KHDRBS2: variants seen among roughly 807,000 people sequenced by gnomAD.
KHDRBS2 encodes KH RNA binding domain containing, signal transduction associated 2.
In KHDRBS2, 26 loss-of-function variants were observed where a neutral mutation model predicts 44.3. That is an observed-to-expected ratio of 0.59 (90% CI 0.43 to 0.81). The LOEUF (loss-of-function observed/expected upper bound fraction) is 0.81. Among genes scored for constraint, KHDRBS2 ranks in the 40% least tolerant of loss-of-function variants. The probability of loss-of-function intolerance (pLI) is 0.00; values close to 1 mark genes in which losing one functional copy is unlikely to be tolerated. For synonymous variants in KHDRBS2, 194 were observed against 151.1 expected (o/e 1.28, Z -2.08); for missense variants, 476 against 433.1 (o/e 1.10, Z -0.88).
At chr6:61,659,242 T>C in the KHDRBS2 span, 5 of 151,870 alleles carry the variant, frequency 3.3e-5, no homozygotes, top group Non-Finnish European at 5.9e-5. Context: ...ATAGTTAATA[T>C]AAACATGAGG....
chr6:61,766,271 C>T (rs1428941347), intron 6 of KHDRBS2, among the ~76,000 whole-genome samples: 1 of 151,860 alleles, frequency 6.6e-6, no homozygotes, highest in Non-Finnish European at 1.5e-5. Flanking sequence ...CATATAGTTG[C>T]TCATAGTAGT....
At chr6:62,112,193 A>G (rs1380438374) in intron 2 of KHDRBS2, among the ~76,000 whole-genome samples, 1 of 152,144 alleles carries the variant, frequency 6.6e-6, no homozygotes, top group African/African-American at 2.4e-5. Context: ...TCTAAATCAC[A>G]AATGTGAAAC....
At chr6:61,987,417 AC>A (rs1372693735) in intron 3 of KHDRBS2, among the ~76,000 whole-genome samples, 2 of 152,186 alleles carry the variant, frequency 1.3e-5, no homozygotes, top group Non-Finnish European at 2.9e-5. Flanking sequence ...CAAGTTTTGT[AC>A]TTTTATTTTT....
intron 3 of KHDRBS2, among the ~76,000 whole-genome samples, chr6:62,016,253 CA>C (rs1299796506): frequency 3.9e-5 from 6 of 151,972 alleles, no homozygotes; most frequent in Admixed American, 6.6e-5. Flanking sequence ...TCAAAAGTTT[CA>C]TCACATGTAA....
chr6:62,180,274 G>A (rs1441765115), intron 1 of KHDRBS2, among the ~76,000 whole-genome samples: 1 of 151,818 alleles, frequency 6.6e-6, no homozygotes, highest in African/African-American at 2.4e-5. Context: ...CAGTTGACAT[G>A]ATCTGATATG....
intron 7 of KHDRBS2, among the ~76,000 whole-genome samples, chr6:61,709,912 C>G (rs1315042933): frequency 2.0e-5 from 3 of 151,578 alleles, no homozygotes; most frequent in East Asian, 3.9e-4. Context: ...AGTATAATCT[C>G]TAGTTACTTC....
intron 3 of KHDRBS2, among the ~76,000 whole-genome samples, chr6:62,013,455 C>T (rs1451642591): frequency 1.3e-5 from 2 of 151,174 alleles, no homozygotes; most frequent in Non-Finnish European, 2.9e-5. Context: ...ACATCTTCAA[C>T]ATTTTGGCCT....
chr6:62,105,174 A>G (rs948838472), intron 2 of KHDRBS2, among the ~76,000 whole-genome samples: 54 of 152,182 alleles, frequency 3.5e-4, no homozygotes, highest in Non-Finnish European at 6.6e-4. Flanking sequence ...GATGGCTTCA[A>G]TAGTGAATTC....
chr6:62,217,504 A>G (rs1269166549), intron 1 of KHDRBS2, among the ~76,000 whole-genome samples: 1 of 151,904 alleles, frequency 6.6e-6, no homozygotes, highest in Non-Finnish European at 1.5e-5. Flanking sequence ...TCAAACACAT[A>G]GTTGGTAATA....
chr6:62,213,759 A>T (rs1829491460), intron 1 of KHDRBS2, among the ~76,000 whole-genome samples: 1 of 151,150 alleles, frequency 6.6e-6, no homozygotes, highest in African/African-American at 2.4e-5. Flanking sequence ...CCGTAGTCCC[A>T]GCTATTCCGG....
the KHDRBS2 span, among the ~76,000 whole-genome samples, chr6:61,556,374 A>G: frequency 2.6e-5 from 4 of 152,218 alleles, no homozygotes; most frequent in African/African-American, 9.6e-5. Context: ...CTCACCAAAA[A>G]ATCAATAAGA....
At chr6:61,740,280 T>C (rs1258063609) in intron 6 of KHDRBS2, among the ~76,000 whole-genome samples, 1 of 151,958 alleles carries the variant, frequency 6.6e-6, no homozygotes, top group Admixed American at 6.6e-5. Context: ...TGTGAATGCA[T>C]GGCATTATGA....
intron 2 of KHDRBS2, among the ~76,000 whole-genome samples, chr6:62,075,283 C>T (rs1468833861): frequency 1.3e-5 from 2 of 151,776 alleles, no homozygotes; most frequent in African/African-American, 4.8e-5. Flanking sequence ...TTGTTCACCC[C>T]CTCCACCATG....
chr6:62,109,232 A>G (rs1410284310), intron 2 of KHDRBS2, among the ~76,000 whole-genome samples: 3 of 152,076 alleles, frequency 2.0e-5, no homozygotes, highest in Non-Finnish European at 4.4e-5. Flanking sequence ...AACAAGAGAA[A>G]CCATATGAAC....
chr6:61,904,422 T>C (rs879002032), intron 4 of KHDRBS2, among the ~76,000 whole-genome samples: 1 of 152,178 alleles, frequency 6.6e-6, no homozygotes, highest in East Asian at 1.9e-4. Context: ...GTAACCAAAT[T>C]TCTTATGAGC....
chr6:62,065,407 G>A (rs1399006225), intron 2 of KHDRBS2, among the ~76,000 whole-genome samples: 2 of 151,638 alleles, frequency 1.3e-5, no homozygotes, highest in Admixed American at 6.6e-5. Flanking sequence ...TGATAGACTG[G>A]ATTAAGAAAA....
intron 2 of KHDRBS2, among the ~76,000 whole-genome samples, chr6:62,145,264 T>A (rs1344661310): frequency 2.0e-5 from 3 of 151,732 alleles, no homozygotes; most frequent in Non-Finnish European, 4.4e-5. Context: ...TTTTTTGTTT[T>A]TTTTTGGTAG....
At chr6:62,140,189 A>AT (rs1421527315) in intron 2 of KHDRBS2, among the ~76,000 whole-genome samples, 1 of 152,166 alleles carries the variant, frequency 6.6e-6, no homozygotes, top group Non-Finnish European at 1.5e-5. Flanking sequence ...AAGATTCAAT[A>AT]TTTTTGAAAC....
chr6:61,726,555 A>T (rs182537847), intron 7 of KHDRBS2, among the ~76,000 whole-genome samples: 1 of 152,296 alleles, frequency 6.6e-6, no homozygotes, highest in East Asian at 1.9e-4. Flanking sequence ...TCTTAATCTA[A>T]TAAGCAACTT....
Sources: allele counts gnomAD v4.1 joint callset (sites outside exome capture counted in the v4.1 genomes callset), GRCh38; gene constraint gnomAD v4.1.1; transcripts MANE v1.5; gene names NCBI Gene and HGNC (gene_info 2026-07-23, HGNC 2026-07-21).